TTLL11: variants seen among roughly 807,000 people sequenced by gnomAD.
TTLL11 encodes tubulin polyglutamylase TTLL11.
TTLL11 carries 42 observed loss-of-function variants against 51.7 expected under a neutral mutation model. That is an observed-to-expected ratio of 0.81 (90% confidence interval 0.64 to 1.05). The LOEUF is 1.05. TTLL11 is among the 50% of genes least tolerant of loss of function. The probability of loss-of-function intolerance (pLI) is 0.00; values close to 1 mark genes in which losing one functional copy is unlikely to be tolerated. For missense variants in TTLL11, 799 were observed against 940.4 expected (o/e 0.85, Z 1.97); for synonymous variants, 381 against 383.5 (o/e 0.99, Z 0.08).
chr9:121,937,498 T>G (rs182491710), intron 6 of TTLL11, among the ~76,000 whole-genome samples: 2 of 152,280 alleles, frequency 1.3e-5, no homozygotes, highest in Admixed American at 1.3e-4. Flanking sequence ...TGTGCAAGGC[T>G]TTTGCAGACA....
chr9:121,998,760 T>C (rs1843368119), intron 3 of TTLL11, among the ~76,000 whole-genome samples: 1 of 152,194 alleles, frequency 6.6e-6, no homozygotes, highest in Non-Finnish European at 1.5e-5. Context: ...TCAATATGTA[T>C]ACATGAGATC....
Position 121,825,776 on chromosome 9 carries a change from G to A in TTLL11, c.1841-2897C>T, listed in dbSNP as rs547870321. 4.0e-4 allele frequency among the ~76,000 whole-genome samples: 61 copies of A among 151,444 alleles called. 1 individual carries two copies. Among genetic ancestry groups the A allele is most frequent in the Admixed American group, 2.0e-3 (31 of 15,184 alleles). On this transcript the variant is annotated intron_variant, in intron 8 of 8. Coordinates refer to ENST00000321582, the MANE Select transcript of TTLL11 (RefSeq NM_001139442.2). ...TCTTTACTCAACAAATGTCAGTTTCGTTCCCTTAGTTGATGGTAGAATGTG... is the reference window on the plus strand; with the variant it reads ...TCTTTACTCAACAAATGTCAGTTTCATTCCCTTAGTTGATGGTAGAATGTG...
At chr9:122,009,402 A>T (rs972326542) in intron 3 of TTLL11, among the ~76,000 whole-genome samples, 9 of 151,990 alleles carry the variant, frequency 5.9e-5, no homozygotes, top group African/African-American at 9.6e-5. Context: ...AATTTAAAAA[A>T]TTTTTAATAT....
At chr9:121,898,205 T>A (rs182419309) in intron 6 of TTLL11, among the ~76,000 whole-genome samples, 3 of 152,250 alleles carry the variant, frequency 2.0e-5, no homozygotes, top group Admixed American at 6.5e-5. Context: ...TGAGCCACCA[T>A]GTCCGGCTCC....
At chr9:121,996,182 C>G (rs1843254143) in intron 3 of TTLL11, among the ~76,000 whole-genome samples, 1 of 152,182 alleles carries the variant, frequency 6.6e-6, no homozygotes, top group African/African-American at 2.4e-5. Context: ...ACCAATGCAC[C>G]CTGGCAGTCT....
chr9:122,027,531 T>C (rs1255726501), intron 3 of TTLL11, among the ~76,000 whole-genome samples: 1 of 152,246 alleles, frequency 6.6e-6, no homozygotes, highest in African/African-American at 2.4e-5. Flanking sequence ...TTTCATATTA[T>C]ATCAATGTTA....
At chr9:121,927,097 C>A (rs1840763728) in intron 6 of TTLL11, among the ~76,000 whole-genome samples, 1 of 152,206 alleles carries the variant, frequency 6.6e-6, no homozygotes, top group African/African-American at 2.4e-5. Context: ...GTGGGGCTGG[C>A]CGGTGGAGTT....
At chr9:121,884,158 C>T (rs955843386) in intron 6 of TTLL11, among the ~76,000 whole-genome samples, 3 of 152,200 alleles carry the variant, frequency 2.0e-5, no homozygotes, top group Non-Finnish European at 4.4e-5. Context: ...ATCCACCTCC[C>T]CCTCCCAGAG....
chr9:121,830,345 G>A (rs139032199), intron 8 of TTLL11, among the ~76,000 whole-genome samples: 28 of 152,320 alleles, frequency 1.8e-4, no homozygotes, highest in South Asian at 1.7e-3. Flanking sequence ...TCAGAGGGCT[G>A]AGGTGGGGCT....
chr9:121,915,990 T>TACAC (rs59554930), intron 6 of TTLL11, among the ~76,000 whole-genome samples: 4,787 of 134,238 alleles, frequency 0.036, 165 homozygotes, highest in African/African-American at 0.086. Flanking sequence ...GACACACACA[T>TACAC]ACACACACAC....
chr9:122,076,271 T>G (rs1845855727), intron 1 of TTLL11, among the ~76,000 whole-genome samples: 1 of 152,202 alleles, frequency 6.6e-6, no homozygotes, highest in African/African-American at 2.4e-5. Flanking sequence ...AGCGATCTTT[T>G]TAAAAGTGTA....
intron 6 of TTLL11, chr9:121,885,259 A>T (rs1024526896): frequency 6.6e-6 from 1 of 152,234 alleles, no homozygotes; most frequent in African/African-American, 2.4e-5. Context: ...TCATCACCCC[A>T]GTGAGCCAAG....
At chr9:121,901,731 C>T (rs964892927) in intron 6 of TTLL11, among the ~76,000 whole-genome samples, 1 of 152,070 alleles carries the variant, frequency 6.6e-6, no homozygotes, top group Non-Finnish European at 1.5e-5. Flanking sequence ...AATCTAATTT[C>T]CCTCATTGTT....
chr9:121,925,307 G>A (rs916573781), intron 6 of TTLL11, among the ~76,000 whole-genome samples: 3 of 152,224 alleles, frequency 2.0e-5, no homozygotes, highest in African/African-American at 7.2e-5. Context: ...ACCTCTTGTG[G>A]GCCCCTCAGA....
At position 121,989,822 on chromosome 9, in the gene TTLL11, C is replaced by A. The variant is rs1477633923; in HGVS notation, c.694-52G>T. 1.3e-6 allele frequency: 2 copies of A among 1,539,558 alleles called. No homozygotes were observed. Among genetic ancestry groups the A allele is most frequent in the Non-Finnish European group, 1.7e-6 (2 of 1,146,516 alleles). ...CATTATATTGTTTTCCCTCTGGATC[C>A]CTAACACAGAGCAAGGCCTTAGCAA... On this transcript the variant is annotated intron_variant, in intron 3 of 8. Transcript: ENST00000321582. The surrounding 1 kb of genome is among the most constrained non-coding windows in gnomAD (Gnocchi z 4.2).
chr9:121,899,402 T>TCCC (rs1839687062), intron 6 of TTLL11, among the ~76,000 whole-genome samples: 1 of 82,752 alleles, frequency 1.2e-5, no homozygotes, highest in African/African-American at 3.5e-5. Context: ...TATATATATA[T>TCCC]ACACACACAC....
intron 6 of TTLL11, among the ~76,000 whole-genome samples, chr9:121,924,405 C>T (rs1333116113): frequency 6.6e-6 from 1 of 152,252 alleles, no homozygotes; most frequent in Admixed American, 6.5e-5. Flanking sequence ...AGGGCCACAG[C>T]CCTGGCTGAC....
At chr9:121,836,131 T>C (rs757679689) in intron 8 of TTLL11, among the ~76,000 whole-genome samples, 9 of 152,196 alleles carry the variant, frequency 5.9e-5, no homozygotes, top group Non-Finnish European at 7.3e-5. Context: ...GGATGGTAGA[T>C]GCTTTTATGG....
chr9:122,031,175 T>G (rs1844528900), intron 3 of TTLL11, among the ~76,000 whole-genome samples: 1 of 152,154 alleles, frequency 6.6e-6, no homozygotes, highest in Non-Finnish European at 1.5e-5. Flanking sequence ...CACTTCACAA[T>G]CAGTGGTGAG....
Sources: gnomAD v4.1 joint callset for allele counts (sites outside exome capture counted in the v4.1 genomes callset) on GRCh38, gnomAD v4.1.1 for gene constraint, Gnocchi (gnomAD v3.1) non-coding constraint, MANE v1.5 for transcripts, NCBI Gene and HGNC (gene_info 2026-07-23, HGNC 2026-07-21) for gene names.